WWC2: variants seen among roughly 807,000 people sequenced by gnomAD.
The protein encoded by WWC2 is WW and C2 domain containing 2.
In WWC2, 101 loss-of-function variants were observed where a neutral mutation model predicts 138.5. That is an observed-to-expected ratio of 0.73 (90% confidence interval 0.62 to 0.86). The LOEUF is 0.86. Ranked by LOEUF, WWC2 falls within the 40% of genes least tolerant of loss-of-function variation. The pLI, the probability that WWC2 is intolerant of heterozygous loss-of-function variation, is 0.00. For synonymous variants in WWC2, 558 were observed against 538.4 expected (o/e 1.04, Z -0.50); for missense variants, 1,420 against 1,419.4 (o/e 1.00, Z -0.01).
chr4:183,282,878 G>T lies in WWC2; in HGVS notation c.2855G>T (p.Ser952Ile). The change falls in exon 18 of 23, where the codon AGT becomes ATT. Residue 952 changes from serine to isoleucine, a missense_variant. Transcript: ENST00000403733. ...KESNCAKDLR[S>I]QPPTRIPTLV... ...AGCAACTGTGCCAAAGACCTCAGAA[G>T]TCAGCCACCTACTAGAATACCAACA... 1 of 1,587,996 alleles carries T rather than the reference G, an allele frequency of 6.3e-7. No homozygotes were observed. The highest frequency in any genetic ancestry group is 8.6e-7 in the Non-Finnish European group (1 of 1,166,664).
chr4:183,125,401 A>G (rs1241603012), intron 1 of WWC2, among the ~76,000 whole-genome samples: 1 of 152,206 alleles, frequency 6.6e-6, no homozygotes, highest in Non-Finnish European at 1.5e-5. Context: ...TAAATTCTTT[A>G]TCATTTACAA....
chr4:183,114,880 G>T (rs1166163831), intron 1 of WWC2, among the ~76,000 whole-genome samples: 4 of 152,006 alleles, frequency 2.6e-5, no homozygotes, highest in Non-Finnish European at 4.4e-5. Flanking sequence ...AGAGTGCAGT[G>T]GCAAGATCTG....
intron 18 of WWC2, among the ~76,000 whole-genome samples, chr4:183,283,745 TGC>T (rs1191938007): frequency 6.6e-6 from 1 of 152,240 alleles, no homozygotes; most frequent in African/African-American, 2.4e-5. Flanking sequence ...CATGTATAAT[TGC>T]ATATTCTATT....
chr4:183,216,958 TTG>T (rs1285778916), intron 4 of WWC2, among the ~76,000 whole-genome samples: 1 of 152,102 alleles, frequency 6.6e-6, no homozygotes, highest in East Asian at 1.9e-4. Context: ...TGGGAATAGT[TTG>T]TGTTTCCATC....
chr4:183,155,033 A>G (rs1327481538), intron 1 of WWC2, among the ~76,000 whole-genome samples: 1 of 152,228 alleles, frequency 6.6e-6, no homozygotes, highest in Non-Finnish European at 1.5e-5. Flanking sequence ...GCAAAGCAGG[A>G]GCAATAAAAA....
intron 4 of WWC2, among the ~76,000 whole-genome samples, chr4:183,211,404 G>A (rs188588772): frequency 3.3e-5 from 5 of 152,296 alleles, no homozygotes; most frequent in Admixed American, 1.3e-4. Context: ...GCACATTAAT[G>A]TGTAATTTTT....
At position 183,289,327 on chromosome 4, in the gene WWC2, A is replaced by C. The variant is rs917837192; in HGVS notation, c.3142-66A>C. The C allele has an allele frequency of 8.5e-5, 132 of 1,552,596 alleles. No homozygotes were observed. In the African/African-American group the frequency reaches 1.6e-3, roughly 19 times the overall value. ...CACCATCCATCATGCGCCAGGAAGG[A>C]GGGGAAGTGGGGTAACCACTGCCTG... On this transcript the variant is annotated intron_variant, in intron 20 of 22. Transcript: ENST00000403733.
At chr4:183,159,037 G>T (rs1733883071) in intron 1 of WWC2, among the ~76,000 whole-genome samples, 1 of 152,168 alleles carries the variant, frequency 6.6e-6, no homozygotes, top group South Asian at 2.1e-4. Flanking sequence ...GCTTGGTTCT[G>T]CTGGGTGCAG....
intron 21 of WWC2, among the ~76,000 whole-genome samples, chr4:183,295,542 G>T (rs1262777668): frequency 6.6e-6 from 1 of 152,194 alleles, no homozygotes; most frequent in African/African-American, 2.4e-5. Flanking sequence ...CTGTGCCTTG[G>T]TGACGCTGGG....
At chr4:183,159,569 A>T (rs1175024252) in intron 1 of WWC2, among the ~76,000 whole-genome samples, 1 of 151,944 alleles carries the variant, frequency 6.6e-6, no homozygotes, top group Non-Finnish European at 1.5e-5. Context: ...ACACCTGTCT[A>T]ATTTTTTGTA....
intron 7 of WWC2, 143 bp from the exon 8 acceptor site, chr4:183,249,777 A>C (rs1005399488): frequency 3.2e-6 from 2 of 621,884 alleles, no homozygotes; most frequent in South Asian, 2.2e-5. Flanking sequence ...CAATAAAATA[A>C]GTGTCTTTTA....
At position 183,189,397 on chromosome 4, in the gene WWC2, A is replaced by G. The variant is rs574059036; in HGVS notation, c.132-4202A>G. ...GGTTGCAGTGAGCCGAGATCGCGCCACTGCACTGTGGCCTGGGTGATAGAG... is the reference window on the plus strand; with the variant it reads ...GGTTGCAGTGAGCCGAGATCGCGCCGCTGCACTGTGGCCTGGGTGATAGAG... On this transcript the variant is annotated intron_variant, in intron 1 of 22. Coordinates refer to ENST00000403733, the MANE Select transcript of WWC2 (RefSeq NM_024949.6). Among the ~76,000 whole-genome samples, 5 of 151,814 alleles carry G rather than the reference A, an allele frequency of 3.3e-5. No homozygotes were observed. In the South Asian group the frequency reaches 1.1e-3, roughly 32 times the overall value.
In WWC2 at chr4:183,198,433, C is replaced by T. The variant is rs115467174; in HGVS notation, c.241+4725C>T. Among the ~76,000 whole-genome samples, 859 of 152,116 alleles carry T rather than the reference C, an allele frequency of 5.6e-3. 6 individuals carry two copies. The highest frequency in any genetic ancestry group is 0.018 in the African/African-American group (760 of 41,484). ...TTTTGGGGGTAGAGATGGCATCTCT[C>T]TGTGTTGCCCAGACTGGTCTTAAAT... On this transcript the variant is annotated intron_variant, in intron 2 of 22. Transcript: ENST00000403733.
chr4:183,309,650 T>C (rs1252441363), intron 21 of WWC2, among the ~76,000 whole-genome samples: 2 of 152,230 alleles, frequency 1.3e-5, no homozygotes, highest in Admixed American at 1.3e-4. Context: ...ATACAGGCAC[T>C]TTAGAAGACA....
intron 1 of WWC2, among the ~76,000 whole-genome samples, chr4:183,162,525 T>C (rs1430043795): frequency 6.6e-6 from 1 of 152,124 alleles, no homozygotes; most frequent in Non-Finnish European, 1.5e-5. Context: ...TTATTGTCTT[T>C]ATTGAACTCT....
intron 2 of WWC2, among the ~76,000 whole-genome samples, chr4:183,198,091 T>C (rs1298138857): frequency 6.6e-6 from 1 of 152,192 alleles, no homozygotes; most frequent in Non-Finnish European, 1.5e-5. Context: ...TGGTCGCACC[T>C]ACTTGGGAGG....
chr4:183,178,160 C>T (rs1734518437), intron 1 of WWC2, among the ~76,000 whole-genome samples: 1 of 152,142 alleles, frequency 6.6e-6, no homozygotes, highest in African/African-American at 2.4e-5. Flanking sequence ...TGAAATAACA[C>T]CAACCTCACA....
At chr4:183,117,407 G>A (rs1276948567) in intron 1 of WWC2, among the ~76,000 whole-genome samples, 2 of 151,398 alleles carry the variant, frequency 1.3e-5, no homozygotes, top group Non-Finnish European at 2.9e-5. Flanking sequence ...TTTTAGTAAA[G>A]ATGGGGTTTC....
rs537669012 is a variant in WWC2, at chr4:183,227,606, C to T, written c.523-12577C>T. 7.2e-5 allele frequency among the ~76,000 whole-genome samples: 11 copies of T among 151,982 alleles called. No individual in the cohort carries two copies. The South Asian group carries it at 8.3e-4, about 11-fold the overall frequency. ...TACCATGAAAATTATCAAGAAAATA[C>T]GGAAACAAACTAAGTAGAAGTTCTA... On this transcript the variant is annotated intron_variant, in intron 4 of 22. Coordinates refer to ENST00000403733, the MANE Select transcript of WWC2 (RefSeq NM_024949.6).
Sources: allele counts gnomAD v4.1 joint callset (sites outside exome capture counted in the v4.1 genomes callset), GRCh38; gene constraint gnomAD v4.1.1; transcripts MANE v1.5; gene names NCBI Gene and HGNC (gene_info 2026-07-23, HGNC 2026-07-21).